The following RNLS variants were observed in gnomAD, a reference collection of about 807,000 sequenced individuals.
The protein encoded by RNLS is renalase, FAD dependent amine oxidase.
Under a neutral mutation model 39.8 loss-of-function variants are expected in RNLS, and 39 were observed. That is an observed-to-expected ratio of 0.98 (90% confidence interval 0.76 to 1.28). The LOEUF (loss-of-function observed/expected upper bound fraction) is 1.28. Among genes scored for constraint, RNLS ranks in the 50% most tolerant of loss-of-function variants. The pLI, the probability that RNLS is intolerant of heterozygous loss-of-function variation, is 0.00. For synonymous variants in RNLS, 147 were observed against 150.7 expected, an observed-to-expected ratio of 0.98 and a Z score of 0.18; for missense variants, 410 against 413.3, an observed-to-expected ratio of 0.99 and a Z score of 0.07.
intron 4 of RNLS, among the ~76,000 whole-genome samples, chr10:88,381,166 A>C (rs1851465372): frequency 6.6e-6 from 1 of 152,226 alleles, no homozygotes; most frequent in Non-Finnish European, 1.5e-5. Context: ...AAACTCGCCA[A>C]GTGCCTTGCT....
At chr10:88,357,777 T>G (rs760471651) in intron 5 of RNLS, among the ~76,000 whole-genome samples, 45 of 152,182 alleles carry the variant, frequency 3.0e-4, no homozygotes, top group Non-Finnish European at 2.4e-4. Flanking sequence ...TAAAAACTCC[T>G]CTGGCTCTCC....
downstream of RNLS, among the ~76,000 whole-genome samples, chr10:88,272,681 T>C (rs1279579209): frequency 6.6e-6 from 1 of 152,222 alleles, no homozygotes. Flanking sequence ...TGAAAAAGTA[T>C]TGATCTTCAA....
chr10:88,419,915 C>A (rs144613932), intron 4 of RNLS, among the ~76,000 whole-genome samples: 4,328 of 152,008 alleles, frequency 0.028, 167 homozygotes, highest in South Asian at 0.12. Context: ...GAGGCTGAGG[C>A]AGGTGAATCG....
chr10:88,330,702 T>A (rs1847052141), intron 5 of RNLS, among the ~76,000 whole-genome samples: 3 of 152,132 alleles, frequency 2.0e-5, no homozygotes, highest in Non-Finnish European at 2.9e-5. Context: ...ATTGATTTCC[T>A]TATATATCAG....
chr10:88,250,809 A>T, the RNLS span, among the ~76,000 whole-genome samples: 1 of 152,206 alleles, frequency 6.6e-6, no homozygotes, highest in Non-Finnish European at 1.5e-5. Context: ...CTCAAACTTC[A>T]ATAGCTTGAG....
intron 4 of RNLS, among the ~76,000 whole-genome samples, chr10:88,399,786 T>C (rs1852800701): frequency 6.6e-6 from 1 of 152,084 alleles, no homozygotes; most frequent in Non-Finnish European, 1.5e-5. Context: ...GGGTTGGTAT[T>C]AGCTCCCTGT....
At chr10:88,447,524 G>A (rs934458869) in intron 4 of RNLS, among the ~76,000 whole-genome samples, 8 of 152,172 alleles carry the variant, frequency 5.3e-5, no homozygotes, top group Non-Finnish European at 1.0e-4. Context: ...CAAACAAACA[G>A]AAGAACATTC....
chr10:88,172,844 T>G, the RNLS span, among the ~76,000 whole-genome samples: 2 of 34,844 alleles, frequency 5.7e-5, no homozygotes, highest in Non-Finnish European at 1.1e-4. Flanking sequence ...TTTGAGTTGT[T>G]TTTTTTTTTT....
chr10:88,544,289 C>G lies in RNLS; in HGVS notation c.526+28614G>C, dbSNP rs74147217. On this transcript the variant is annotated intron_variant, in intron 4 of 6. Transcript: ENST00000331772. Reference sequence around the variant, plus strand: ...TCTAAGATTGCCTCATTTAAAAGTACCTGGTGGAATAAGGAATGATAAACA... The same window carrying G: ...TCTAAGATTGCCTCATTTAAAAGTAGCTGGTGGAATAAGGAATGATAAACA... Among the ~76,000 whole-genome samples, 223 of 152,228 alleles carry G rather than the reference C, an allele frequency of 1.5e-3. 1 individual carries two copies. Among genetic ancestry groups the G allele is most frequent in the African/African-American group, 5.2e-3 (216 of 41,532 alleles).
At chr10:88,216,493 A>G in the RNLS span, among the ~76,000 whole-genome samples, 6 of 152,234 alleles carry the variant, frequency 3.9e-5, no homozygotes, top group Non-Finnish European at 8.8e-5. Flanking sequence ...ATAATCTATC[A>G]GCTTTCAAAC....
At chr10:88,466,695 G>A (rs775797019) in intron 4 of RNLS, among the ~76,000 whole-genome samples, 4 of 152,030 alleles carry the variant, frequency 2.6e-5, no homozygotes, top group Non-Finnish European at 5.9e-5. Context: ...ATTGAGTTGT[G>A]ACCCCAAAAG....
chr10:88,319,682 A>G (rs996241592), intron 5 of RNLS, among the ~76,000 whole-genome samples: 2 of 152,058 alleles, frequency 1.3e-5, no homozygotes, highest in Admixed American at 1.3e-4. Flanking sequence ...CAAGCAGAAG[A>G]AAGAATTTCA....
the RNLS span, among the ~76,000 whole-genome samples, chr10:88,218,047 A>G: frequency 6.6e-6 from 1 of 152,188 alleles, no homozygotes; most frequent in East Asian, 1.9e-4. Context: ...TCTCAAAAAG[A>G]AAAACAAGGA....
At chr10:88,308,161 A>G (rs1246502258) in intron 6 of RNLS, among the ~76,000 whole-genome samples, 1 of 152,210 alleles carries the variant, frequency 6.6e-6, no homozygotes, top group Non-Finnish European at 1.5e-5. Flanking sequence ...GAAAAACCCA[A>G]CGCTATAAAC....
downstream of RNLS, among the ~76,000 whole-genome samples, chr10:88,272,324 C>CT (rs1003241775): frequency 5.9e-5 from 9 of 152,040 alleles, no homozygotes; most frequent in Non-Finnish European, 7.4e-5. Context: ...TTTTCCTGTT[C>CT]TTTTTTCTGT....
intron 4 of RNLS, among the ~76,000 whole-genome samples, chr10:88,382,157 T>C (rs940504476): frequency 6.6e-6 from 1 of 152,140 alleles, no homozygotes; most frequent in Admixed American, 6.5e-5. Flanking sequence ...CATGCCACGT[T>C]GTACTGTGAC....
intron 4 of RNLS, among the ~76,000 whole-genome samples, chr10:88,498,223 A>G (rs1262780223): frequency 6.6e-6 from 1 of 151,966 alleles, no homozygotes; most frequent in African/African-American, 2.4e-5. Flanking sequence ...TATCAATATT[A>G]TGTGTCTCCT....
chr10:88,567,220 G>A (rs116226735), intron 4 of RNLS, among the ~76,000 whole-genome samples: 2,969 of 152,166 alleles, frequency 0.02, 95 homozygotes, highest in African/African-American at 0.067. Flanking sequence ...TAGTAGGTGA[G>A]TTAAGTTATC....
intron 4 of RNLS, among the ~76,000 whole-genome samples, chr10:88,393,499 C>G (rs1352112063): frequency 2.0e-5 from 3 of 152,142 alleles, no homozygotes; most frequent in Non-Finnish European, 4.4e-5. Context: ...TGTGAAGGAC[C>G]TCTTCAAGGA....
Sources: allele counts gnomAD v4.1 joint callset (sites outside exome capture counted in the v4.1 genomes callset), GRCh38; gene constraint gnomAD v4.1.1; transcripts MANE v1.5; gene names NCBI Gene and HGNC (gene_info 2026-07-23, HGNC 2026-07-21).